The following LRRC7 variants were observed in gnomAD, a reference collection of about 807,000 sequenced individuals.
LRRC7 encodes leucine rich repeat containing 7, also known as leucine-rich repeat-containing protein 7.
In LRRC7, 23 loss-of-function variants were observed where a neutral mutation model predicts 175.7. The ratio of observed to expected loss-of-function variants is 0.13; its 90% confidence interval spans 0.09 to 0.19. LRRC7 has a LOEUF of 0.19. LRRC7 is among the 10% of genes least tolerant of loss of function. The pLI, the probability that LRRC7 is intolerant of heterozygous loss-of-function variation, is 1.00. For missense variants in LRRC7, 1,354 were observed against 1,904.7 expected (o/e 0.71, Z 5.38); for synonymous variants, 685 against 680.9 (o/e 1.01, Z -0.09).
chr1:69,717,818 GAAAGAAAGAAAGAAAGAAAGAAA>G lies in LRRC7; in HGVS notation c.100+39353_100+39375del, dbSNP rs1557640938. On this transcript the variant is annotated intron_variant, in intron 2 of 26. Transcript: ENST00000651989. ...AGAAAGAAAGAAAGAAAGAAAGAAA[GAAAGAAAGAAAGAAAGAAAGAAA>G]AAAGAAAGAAAGGAAAGAAAGAAAG... 2.5e-4 allele frequency among the ~76,000 whole-genome samples: 6 copies of G among 24,058 alleles called. 2 individuals carry two copies. The highest frequency in any genetic ancestry group is 1.6e-3 in the African/African-American group (6 of 3,822). The allele number at this position is 24,058 out of a possible 152,430, so 15.8% of individuals were successfully genotyped here. A position where few individuals can be genotyped will look rare whatever the true frequency, so the allele number is the denominator to read the frequency against.
chr1:69,702,869 A>C (rs369561094), intron 2 of LRRC7, among the ~76,000 whole-genome samples: 5 of 152,100 alleles, frequency 3.3e-5, no homozygotes, highest in African/African-American at 1.2e-4. Context: ...AAGGACTTTT[A>C]TGTGTTTTTT....
chr1:69,654,169 A>T (rs566279489), intron 1 of LRRC7, among the ~76,000 whole-genome samples: 2 of 151,928 alleles, frequency 1.3e-5, no homozygotes, highest in East Asian at 3.9e-4. Flanking sequence ...AATAGGCATG[A>T]TACTAAGCAC....
At chr1:69,588,192 C>T (rs574514274) in intron 1 of LRRC7, among the ~76,000 whole-genome samples, 1 of 152,262 alleles carries the variant, frequency 6.6e-6, no homozygotes, top group South Asian at 2.1e-4. Context: ...GATTTACATA[C>T]ATTTCTACTG....
intron 4 of LRRC7, among the ~76,000 whole-genome samples, chr1:69,795,465 T>A (rs1403017973): frequency 6.6e-6 from 1 of 151,300 alleles, no homozygotes; most frequent in East Asian, 1.9e-4. Flanking sequence ...ATCTGTCAAG[T>A]GAAGAAAGAG....
At chr1:69,947,129 A>AAATG (rs1358806953) in intron 8 of LRRC7, among the ~76,000 whole-genome samples, 7 of 151,746 alleles carry the variant, frequency 4.6e-5, no homozygotes, top group Admixed American at 1.3e-4. Flanking sequence ...ATAAATAAAT[A>AAATG]AATAAATAAA....
At chr1:69,688,247 T>C (rs1179034932) in intron 2 of LRRC7, among the ~76,000 whole-genome samples, 2 of 152,190 alleles carry the variant, frequency 1.3e-5, no homozygotes, top group African/African-American at 4.8e-5. Flanking sequence ...AGGGTTCATT[T>C]GTTTAGTAGA....
At chr1:69,924,276 G>T (rs1431061327) in intron 7 of LRRC7, among the ~76,000 whole-genome samples, 3 of 152,048 alleles carry the variant, frequency 2.0e-5, no homozygotes, top group Admixed American at 2.0e-4. Flanking sequence ...GGATTGCCTT[G>T]GCGATGCGGG....
intron 4 of LRRC7, among the ~76,000 whole-genome samples, chr1:69,802,041 G>T (rs1676572567): frequency 6.6e-6 from 1 of 150,850 alleles, no homozygotes; most frequent in African/African-American, 2.4e-5. Flanking sequence ...GTTTTCCTTG[G>T]TATTGATTTC....
At chr1:69,617,571 A>AAAAAAAAAAAAAAAAAAAAAAAAAAAAC (rs1649856044) in intron 1 of LRRC7, among the ~76,000 whole-genome samples, 1 of 150,664 alleles carries the variant, frequency 6.6e-6, no homozygotes, top group Non-Finnish European at 1.5e-5. Flanking sequence ...AAAAAAAAAA[A>AAAAAAAAAAAAAAAAAAAAAAAAAAAAC]ATCAGAACTA....
At chr1:69,725,788 G>C (rs1389446985) in intron 2 of LRRC7, among the ~76,000 whole-genome samples, 2 of 152,182 alleles carry the variant, frequency 1.3e-5, no homozygotes, top group Non-Finnish European at 2.9e-5. Flanking sequence ...CACACTCCAG[G>C]CTCCTGTCCA....
intron 1 of LRRC7, among the ~76,000 whole-genome samples, chr1:69,625,757 C>T (rs187282140): frequency 6.6e-6 from 1 of 152,068 alleles, no homozygotes; most frequent in East Asian, 1.9e-4. Flanking sequence ...CTTCTTTGAT[C>T]CGGGGGCTGT....
chr1:69,825,850 A>G, intron 5 of LRRC7, 24 bp downstream of exon 5: 1 of 1,421,862 alleles, frequency 7.0e-7, no homozygotes, highest in Non-Finnish European at 9.8e-7. Context: ...ATTAAATTTT[A>G]TTTGTATTTA....
At chr1:70,053,254 A>G in intron 23 of LRRC7, 109 bp downstream of exon 23, 1 of 1,086,944 alleles carries the variant, frequency 9.2e-7, no homozygotes, top group Non-Finnish European at 1.3e-6. Flanking sequence ...TGATAACTTT[A>G]AGGTAAATAT....
intron 7 of LRRC7, among the ~76,000 whole-genome samples, chr1:69,924,753 A>C (rs1380188763): frequency 1.3e-5 from 2 of 152,198 alleles, no homozygotes; most frequent in Non-Finnish European, 2.9e-5. Flanking sequence ...AAACAGGGAC[A>C]ATTTGACTTC....
rs568833586 is a variant in LRRC7 at position 70,130,935 on chromosome 1, C to G, written c.*9048C>G. Among the ~76,000 whole-genome samples the G allele has an allele frequency of 6.6e-6, 1 of 152,280 alleles. No individual in the cohort carries two copies. Among genetic ancestry groups the G allele is most frequent in the South Asian group, 2.1e-4 (1 of 4,830 alleles). On this transcript the variant is annotated 3_prime_UTR_variant, in exon 27 of 27. Coordinates refer to ENST00000651989, the MANE Select transcript of LRRC7 (RefSeq NM_001370785.2). Reference sequence around the variant, plus strand: ...TTAAGTAGATAAAAGAATAGTCTGTCTACAGGCTGTTGGCCACAGTTGAGC... The same window carrying G: ...TTAAGTAGATAAAAGAATAGTCTGTGTACAGGCTGTTGGCCACAGTTGAGC...
intron 8 of LRRC7, among the ~76,000 whole-genome samples, chr1:69,948,103 G>A (rs1427517810): frequency 1.3e-5 from 2 of 152,058 alleles, no homozygotes; most frequent in South Asian, 2.1e-4. Context: ...AGGACAGTGC[G>A]AGATTTCATC....
chr1:70,111,051 AAAG>A (rs1046627647), intron 26 of LRRC7, among the ~76,000 whole-genome samples: 64 of 152,186 alleles, frequency 4.2e-4, no homozygotes, highest in African/African-American at 1.5e-3. Flanking sequence ...AATTGAAGTA[AAAG>A]AAGAGAAAAA....
At chr1:70,046,535 G>A (rs56090839) in intron 22 of LRRC7, among the ~76,000 whole-genome samples, 19,468 of 152,040 alleles carry the variant, frequency 0.13, 1,719 homozygotes, top group African/African-American at 0.24. Flanking sequence ...AAGTAGAGAA[G>A]GCAAGGGAGG....
chr1:69,914,737 T>C (rs1646635861), intron 7 of LRRC7, among the ~76,000 whole-genome samples: 1 of 152,176 alleles, frequency 6.6e-6, no homozygotes, highest in Non-Finnish European at 1.5e-5. Context: ...GACTATGTCT[T>C]GTCCAAATCT....
Sources: allele counts gnomAD v4.1 joint callset (sites outside exome capture counted in the v4.1 genomes callset), GRCh38; gene constraint gnomAD v4.1.1; transcripts MANE v1.5; gene names NCBI Gene and HGNC (gene_info 2026-07-23, HGNC 2026-07-21).